The following MIPOL1 variants were observed in gnomAD, a reference collection of about 807,000 sequenced individuals.
MIPOL1 encodes the protein mirror-image polydactyly gene 1 protein.
MIPOL1 carries 57 observed loss-of-function variants against 60.9 expected under a neutral mutation model. The ratio of observed to expected loss-of-function variants is 0.94; its 90% CI spans 0.76 to 1.17. The LOEUF (loss-of-function observed/expected upper bound fraction) is 1.17. Among genes scored for constraint, MIPOL1 ranks in the 50% most tolerant of loss-of-function variants. MIPOL1 has a pLI of 0.00. For missense variants in MIPOL1, 551 were observed against 511.6 expected (o/e 1.08, Z -0.74); for synonymous variants, 179 against 168.8 (o/e 1.06, Z -0.47).
At chr14:37,427,077 G>A (rs147011397) in intron 11 of MIPOL1, among the ~76,000 whole-genome samples, 1 of 152,154 alleles carries the variant, frequency 6.6e-6, no homozygotes, top group South Asian at 2.1e-4. Context: ...ATACCCAAAA[G>A]AATTGAAAGT....
chr14:37,325,172 A>G lies in MIPOL1; in HGVS notation c.828+16653A>G, dbSNP rs574307242. 2.0e-5 allele frequency among the ~76,000 whole-genome samples: 3 copies of G among 152,132 alleles called. No homozygotes were observed. The South Asian group carries it at 6.2e-4, about 31-fold the overall frequency. ...TTTAGTTTTTCAATCCATGATATAT[A>G]TCTCCATTTATTTCACTTATCACAA... On this transcript the variant is annotated intron_variant, in intron 9 of 12. Coordinates refer to ENST00000684589, the MANE Select transcript of MIPOL1 (RefSeq NM_001388067.1).
chr14:37,342,133 G>A (rs546608647), intron 9 of MIPOL1, among the ~76,000 whole-genome samples: 2 of 152,012 alleles, frequency 1.3e-5, no homozygotes, highest in South Asian at 2.1e-4. Context: ...AGGCCAAGGC[G>A]GGTGAATCAT....
At chr14:37,357,102 C>T (rs1156786216) in intron 9 of MIPOL1, among the ~76,000 whole-genome samples, 2 of 152,126 alleles carry the variant, frequency 1.3e-5, no homozygotes, top group Non-Finnish European at 2.9e-5. Flanking sequence ...ATACTGATTT[C>T]CTTTCTTTGG....
rs779847251 is a variant in MIPOL1 at position 37,268,773 on chromosome 14, C to G, written c.367C>G (p.Leu123Val). 1.9e-6 allele frequency: 3 copies of G among 1,584,800 alleles called. No homozygotes were observed. In the South Asian group the frequency reaches 3.4e-5, roughly 18 times the overall value. The change falls in exon 5 of 13, where the codon CTC becomes GTC. Residue 123 changes from leucine (L) to valine (V), a missense_variant. Physicochemically the swap from Leu to Val is conservative, Grantham distance 32. Coordinates refer to ENST00000684589, the MANE Select transcript of MIPOL1 (RefSeq NM_001388067.1). Reference sequence around the variant, plus strand: ...ATTTCTTCTAAAAGAATTGGATATTCTCAGAACAAGCAATAAAAAGGTATA... The same window carrying G: ...ATTTCTTCTAAAAGAATTGGATATTGTCAGAACAAGCAATAAAAAGGTATA... Reference protein sequence around the residue: ...IAFLLKELDILRTSNKKLQQK... With the variant: ...IAFLLKELDIVRTSNKKLQQK...
intron 12 of MIPOL1, among the ~76,000 whole-genome samples, chr14:37,516,756 A>G (rs2095372032): frequency 6.6e-6 from 1 of 152,192 alleles, no homozygotes; most frequent in African/African-American, 2.4e-5. Context: ...ATTTTACATT[A>G]CTAAGTCTTT....
chr14:37,510,345 G>A (rs940616504), intron 12 of MIPOL1, among the ~76,000 whole-genome samples: 6 of 152,000 alleles, frequency 3.9e-5, no homozygotes, highest in African/African-American at 9.7e-5. Flanking sequence ...CTCCCCAGGA[G>A]CTGGGACTAC....
chr14:37,450,969 G>A (rs549920352), intron 11 of MIPOL1, among the ~76,000 whole-genome samples: 2 of 152,128 alleles, frequency 1.3e-5, no homozygotes, highest in South Asian at 2.1e-4. Context: ...CCCTGATAAC[G>A]TAAAATATTC....
intron 11 of MIPOL1, chr14:37,434,654 C>T (rs1319595633): frequency 6.6e-6 from 1 of 151,912 alleles, no homozygotes; most frequent in Non-Finnish European, 1.5e-5. Context: ...GCAATCCTGT[C>T]GCCTCGACTT....
intron 6 of MIPOL1, among the ~76,000 whole-genome samples, chr14:37,280,527 A>G (rs1191306283): frequency 6.6e-6 from 1 of 152,202 alleles, no homozygotes; most frequent in Non-Finnish European, 1.5e-5. Flanking sequence ...GGGTGAGATG[A>G]TAGCTCATTG....
chr14:37,240,105 G>T (rs936473057), intron 1 of MIPOL1, among the ~76,000 whole-genome samples: 2 of 152,036 alleles, frequency 1.3e-5, no homozygotes, highest in Non-Finnish European at 2.9e-5. Context: ...TTATAAAATT[G>T]TCATTACATG....
At chr14:37,347,268 C>T (rs1028037787) in intron 9 of MIPOL1, among the ~76,000 whole-genome samples, 3 of 151,386 alleles carry the variant, frequency 2.0e-5, no homozygotes, top group African/African-American at 7.3e-5. Flanking sequence ...ATTGAATAGG[C>T]ATATAAAAAA....
chr14:37,497,629 C>T (rs1002110630), intron 11 of MIPOL1, among the ~76,000 whole-genome samples: 2 of 152,108 alleles, frequency 1.3e-5, no homozygotes, highest in African/African-American at 4.8e-5. Flanking sequence ...CTGTTTGAGC[C>T]CAGGAGTTCA....
intron 1 of MIPOL1, among the ~76,000 whole-genome samples, chr14:37,245,108 T>C (rs1193616776): frequency 6.6e-6 from 1 of 152,146 alleles, no homozygotes; most frequent in African/African-American, 2.4e-5. Flanking sequence ...AACACTGTTA[T>C]TAATATTCAT....
chr14:37,498,752 G>A (rs1327446049), intron 11 of MIPOL1, among the ~76,000 whole-genome samples: 2 of 152,080 alleles, frequency 1.3e-5, no homozygotes, highest in South Asian at 4.1e-4. Context: ...GTTTCATTTG[G>A]TATGCTGACT....
At chr14:37,544,346 C>G (rs989805413) in intron 12 of MIPOL1, among the ~76,000 whole-genome samples, 4 of 152,092 alleles carry the variant, frequency 2.6e-5, no homozygotes, top group African/African-American at 4.8e-5. Flanking sequence ...ACTTTGTCTC[C>G]TCCTCCTCAC....
chr14:37,230,302 G>T lies in MIPOL1; in HGVS notation c.-198-16801G>T, dbSNP rs115109157. ...ACCGAATTTTTAAGAAATAAAAAAAGTTTTGCTATGTTATTTATTAATAGG... is the reference window on the plus strand; with the variant it reads ...ACCGAATTTTTAAGAAATAAAAAAATTTTTGCTATGTTATTTATTAATAGG... On this transcript the variant is annotated intron_variant, in intron 1 of 12. Coordinates refer to ENST00000684589, the MANE Select transcript of MIPOL1 (RefSeq NM_001388067.1). Among the ~76,000 whole-genome samples, 877 of 152,248 alleles carry T rather than the reference G, an allele frequency of 5.8e-3. 9 individuals carry two copies. Among genetic ancestry groups the T allele is most frequent in the African/African-American group, 0.021 (854 of 41,560 alleles).
intron 12 of MIPOL1, among the ~76,000 whole-genome samples, chr14:37,530,502 T>G (rs1412820489): frequency 6.6e-6 from 1 of 152,160 alleles, no homozygotes; most frequent in Admixed American, 6.5e-5. Flanking sequence ...GCAATTTAGA[T>G]TGTATAACCC....
rs535978128 is a variant in MIPOL1 at position 37,451,808 on chromosome 14, C to CTTTTTTTTTTTTTTTTTTTTTTTTT, written c.1031+28883_1031+28884insTTTTTTTTTTTTTTTTTTTTTTTTT. Among the ~76,000 whole-genome samples, 14 of 84,570 alleles carry CTTTTTTTTTTTTTTTTTTTTTTTTT rather than the reference C, an allele frequency of 1.7e-4. 2 individuals carry two copies. The highest frequency in any genetic ancestry group is 8.9e-4 in the African/African-American group (14 of 15,752). 55.5% of individuals were successfully genotyped at this position (84,570 alleles called of 152,430 possible). On this transcript the variant is annotated intron_variant, in intron 11 of 12. Transcript: ENST00000684589. ...CTTAAGGTTCTTTTGTTTATTCTCT[C>CTTTTTTTTTTTTTTTTTTTTTTTTT]TTTTTTTTTTTTTTTTTTTTTTTTG... is the stretch of plus-strand genomic sequence containing the variant.
At chr14:37,330,976 T>G (rs2089631731) in intron 9 of MIPOL1, among the ~76,000 whole-genome samples, 1 of 152,160 alleles carries the variant, frequency 6.6e-6, no homozygotes, top group Admixed American at 6.5e-5. Flanking sequence ...TAGTTCCTTA[T>G]GTCAAAAATG....
Sources: gnomAD v4.1 joint callset for allele counts (sites outside exome capture counted in the v4.1 genomes callset) on GRCh38, gnomAD v4.1.1 for gene constraint, MANE v1.5 for transcripts, NCBI Gene and HGNC (gene_info 2026-07-23, HGNC 2026-07-21) for gene names.